POU6F2: variants seen among roughly 807,000 people sequenced by gnomAD.
The protein encoded by POU6F2 is POU domain, class 6, transcription factor 2.
POU6F2 carries 31 observed loss-of-function variants against 71.3 expected under a neutral mutation model. That is an observed-to-expected ratio of 0.43 (90% CI 0.33 to 0.59). The LOEUF (loss-of-function observed/expected upper bound fraction) is 0.59, where lower values mean the gene tolerates loss of function less well. Among genes scored for constraint, POU6F2 ranks in the 20% least tolerant of loss-of-function variants. POU6F2 has a pLI of 0.04. For missense variants in POU6F2, 783 were observed against 856.8 expected, an observed-to-expected ratio of 0.91 and a Z score of 1.07; for synonymous variants, 347 against 355.7, an observed-to-expected ratio of 0.98 and a Z score of 0.27.
intron 6 of POU6F2, among the ~76,000 whole-genome samples, chr7:39,411,542 A>T (rs1054554508): frequency 7.9e-5 from 12 of 152,188 alleles, no homozygotes; most frequent in South Asian, 2.1e-4. Context: ...AGGGGGGGGA[A>T]GTCAACTAAA....
At position 39,466,345 on chromosome 7, in the gene POU6F2, G is replaced by A. The variant is rs943166637; in HGVS notation, c.*1659G>A. ...ATAACCTAATAAGCAAGGACATGTT[G>A]GGATGTGAGGACGGCTGTGCAGGTG... On this transcript the variant is annotated 3_prime_UTR_variant, in exon 10 of 10. Transcript: ENST00000518318. The A allele has an allele frequency of 6.6e-6, 1 of 152,260 alleles. No homozygotes were observed. Among genetic ancestry groups the A allele is most frequent in the Non-Finnish European group, 1.5e-5 (1 of 68,048 alleles). The allele number at this position is 152,260 out of a possible 1,614,324, so 9.4% of individuals were successfully genotyped here. A position where few individuals can be genotyped will look rare whatever the true frequency, so the allele number is the denominator to read the frequency against.
chr7:39,231,163 A>C (rs1794567357), intron 4 of POU6F2, among the ~76,000 whole-genome samples: 1 of 152,204 alleles, frequency 6.6e-6, no homozygotes, highest in South Asian at 2.1e-4. Context: ...GAGGGTGAAA[A>C]AATAACAAAG....
intron 5 of POU6F2, among the ~76,000 whole-genome samples, chr7:39,388,471 A>G (rs1295135085): frequency 1.3e-5 from 2 of 151,676 alleles, no homozygotes; most frequent in Admixed American, 6.6e-5. Flanking sequence ...TCCCGCCACC[A>G]CTCCCAGCTG....
At chr7:39,379,233 G>A (rs1786775683) in intron 5 of POU6F2, among the ~76,000 whole-genome samples, 1 of 152,126 alleles carries the variant, frequency 6.6e-6, no homozygotes, top group Admixed American at 6.5e-5. Flanking sequence ...GATTTGTCTG[G>A]AGGTTAGGCC....
intron 1 of POU6F2, among the ~76,000 whole-genome samples, chr7:39,064,813 A>G (rs1790724686): frequency 6.6e-6 from 1 of 151,874 alleles, no homozygotes; most frequent in Non-Finnish European, 1.5e-5. Context: ...AGTAGAATTC[A>G]GGACAAAAAG....
chr7:39,145,404 A>G (rs1258963666), intron 2 of POU6F2, among the ~76,000 whole-genome samples: 1 of 152,248 alleles, frequency 6.6e-6, no homozygotes, highest in African/African-American at 2.4e-5. Flanking sequence ...GCCATTTATT[A>G]TAAGTAATCA....
intron 1 of POU6F2, among the ~76,000 whole-genome samples, chr7:39,085,583 T>A (rs1355442934): frequency 2.0e-5 from 3 of 152,082 alleles, no homozygotes; most frequent in Non-Finnish European, 4.4e-5. Context: ...AGAAGTTTTT[T>A]TTTTTTTTTT....
At chr7:39,136,336 T>C (rs1263314145) in intron 2 of POU6F2, among the ~76,000 whole-genome samples, 2 of 152,192 alleles carry the variant, frequency 1.3e-5, no homozygotes, top group South Asian at 2.1e-4. Context: ...CCAAAATGTA[T>C]TGTGGTGCTA....
intron 2 of POU6F2, among the ~76,000 whole-genome samples, chr7:39,147,761 T>A (rs550592091): frequency 6.6e-6 from 1 of 152,234 alleles, no homozygotes; most frequent in South Asian, 2.1e-4. Context: ...CAAACCAGAG[T>A]ACAAACAGGT....
intron 4 of POU6F2, among the ~76,000 whole-genome samples, chr7:39,270,475 A>G (rs1003204646): frequency 1.4e-4 from 21 of 152,328 alleles, no homozygotes; most frequent in African/African-American, 5.1e-4. Flanking sequence ...ATATTGCCTC[A>G]AGGAAATGGA....
intron 2 of POU6F2, among the ~76,000 whole-genome samples, chr7:39,106,943 C>G (rs1791702656): frequency 6.6e-6 from 1 of 151,272 alleles, no homozygotes; most frequent in East Asian, 1.9e-4. Context: ...CTTGAATGCT[C>G]TTTTTGTGAT....
At chr7:39,097,676 C>T (rs1791482542) in intron 2 of POU6F2, among the ~76,000 whole-genome samples, 1 of 152,138 alleles carries the variant, frequency 6.6e-6, no homozygotes, top group Non-Finnish European at 1.5e-5. Context: ...TTGTTGAGCA[C>T]CTGCTCTGTG....
intron 1 of POU6F2, among the ~76,000 whole-genome samples, chr7:39,069,545 T>A (rs1040548595): frequency 6.6e-6 from 1 of 152,170 alleles, no homozygotes; most frequent in Non-Finnish European, 1.5e-5. Flanking sequence ...GGCATCAATC[T>A]CCTTGCAGTG....
At chr7:39,347,123 A>G (rs1786047248) in intron 5 of POU6F2, among the ~76,000 whole-genome samples, 1 of 152,154 alleles carries the variant, frequency 6.6e-6, no homozygotes, top group South Asian at 2.1e-4. Flanking sequence ...ATTAAATGCA[A>G]TGGCTTATGT....
At chr7:39,346,291 G>A (rs927503544) in intron 5 of POU6F2, among the ~76,000 whole-genome samples, 10 of 152,124 alleles carry the variant, frequency 6.6e-5, no homozygotes, top group African/African-American at 1.9e-4. Flanking sequence ...GTACTGCTCC[G>A]TAGATTAGTC....
intron 2 of POU6F2, among the ~76,000 whole-genome samples, chr7:39,088,475 T>C (rs1327955315): frequency 6.6e-6 from 1 of 152,186 alleles, no homozygotes; most frequent in Non-Finnish European, 1.5e-5. Context: ...TTCAAGTCTG[T>C]TTTTTGTTTT....
chr7:39,421,275 T>C (rs1787845073), intron 6 of POU6F2, among the ~76,000 whole-genome samples: 1 of 152,190 alleles, frequency 6.6e-6, no homozygotes, highest in Non-Finnish European at 1.5e-5. Context: ...AAGTAATATA[T>C]GTTTGAGTGA....
intron 4 of POU6F2, among the ~76,000 whole-genome samples, chr7:39,270,934 C>T (rs1184947400): frequency 4.6e-5 from 7 of 152,126 alleles, no homozygotes; most frequent in African/African-American, 2.4e-5. Flanking sequence ...AGACCCCTTC[C>T]GCCTTGAGGA....
intron 7 of POU6F2, among the ~76,000 whole-genome samples, chr7:39,451,206 G>T (rs73370909): frequency 1.7e-4 from 26 of 152,286 alleles, no homozygotes; most frequent in African/African-American, 5.8e-4. Context: ...AGCCTGTCAA[G>T]TGTGCTGTAA....
Sources: gnomAD v4.1 joint callset for allele counts (sites outside exome capture counted in the v4.1 genomes callset) on GRCh38, gnomAD v4.1.1 for gene constraint, MANE v1.5 for transcripts, NCBI Gene and HGNC (gene_info 2026-07-23, HGNC 2026-07-21) for gene names.